The following CACNA2D1 variants were observed in gnomAD, a reference collection of about 807,000 sequenced individuals.
The protein encoded by CACNA2D1 is voltage-dependent calcium channel subunit alpha-2/delta-1.
Under a neutral mutation model 171.5 loss-of-function variants are expected in CACNA2D1, and 53 were observed. That is an observed-to-expected ratio of 0.31 (90% CI 0.25 to 0.39). The LOEUF is 0.39. Ranked by LOEUF, CACNA2D1 falls within the 10% of genes least tolerant of loss-of-function variation. The probability of loss-of-function intolerance (pLI) is 1.00; values close to 1 mark genes in which losing one functional copy is unlikely to be tolerated. For missense variants in CACNA2D1, 903 were observed against 1,299.8 expected, an observed-to-expected ratio of 0.69 and a Z score of 4.69; for synonymous variants, 442 against 443.1, an observed-to-expected ratio of 1.00 and a Z score of 0.03.
chr7:82,162,714 G>A (rs964635689), intron 4 of CACNA2D1, among the ~76,000 whole-genome samples: 1 of 151,768 alleles, frequency 6.6e-6, no homozygotes, highest in African/African-American at 2.4e-5. Context: ...CTAAGCTTCT[G>A]GTTGCAATAT....
intron 7 of CACNA2D1, among the ~76,000 whole-genome samples, chr7:82,081,930 G>T (rs1206030212): frequency 6.6e-6 from 1 of 152,184 alleles, no homozygotes; most frequent in Non-Finnish European, 1.5e-5. Context: ...CTCTATGTGG[G>T]GCTTGTGGTT....
chr7:82,040,837 T>G (rs1416865203), intron 10 of CACNA2D1, among the ~76,000 whole-genome samples: 3 of 151,932 alleles, frequency 2.0e-5, no homozygotes, highest in African/African-American at 7.3e-5. Context: ...TAGCCAGGTG[T>G]GGTGGTGCAT....
chr7:82,296,087 C>T (rs1355879906), intron 3 of CACNA2D1, among the ~76,000 whole-genome samples: 1 of 145,992 alleles, frequency 6.8e-6, no homozygotes, highest in East Asian at 2.3e-4. Flanking sequence ...GGAAGGGGAA[C>T]ATCACACTCT....
chr7:82,410,795 A>C (rs1827562491), intron 1 of CACNA2D1, among the ~76,000 whole-genome samples: 1 of 152,220 alleles, frequency 6.6e-6, no homozygotes, highest in Admixed American at 6.5e-5. Flanking sequence ...CCAAGCGATG[A>C]GTCTTTTAAC....
chr7:82,114,760 G>GAA (rs34240770), intron 6 of CACNA2D1, among the ~76,000 whole-genome samples: 9 of 103,082 alleles, frequency 8.7e-5, no homozygotes, highest in Admixed American at 1.1e-4. Flanking sequence ...CGTCCCAGAA[G>GAA]AAAAAAAAAA....
At chr7:82,082,144 G>A (rs1434415731) in intron 7 of CACNA2D1, among the ~76,000 whole-genome samples, 4 of 152,120 alleles carry the variant, frequency 2.6e-5, no homozygotes, top group Non-Finnish European at 4.4e-5. Context: ...TCTGGCCCAC[G>A]GCTCTGGGGC....
At chr7:82,056,367 GGTAGGCATGAAGCATAAAGAT>G (rs1805909480) in intron 10 of CACNA2D1, among the ~76,000 whole-genome samples, 2 of 152,240 alleles carry the variant, frequency 1.3e-5, no homozygotes, top group Non-Finnish European at 2.9e-5. Context: ...GACCTATGGA[GGTAGGCATGAAGCATAAAGAT>G]GTCTTTGTTT....
intron 31 of CACNA2D1, among the ~76,000 whole-genome samples, chr7:81,966,345 T>C (rs1036538922): frequency 5.3e-5 from 8 of 151,624 alleles, no homozygotes; most frequent in African/African-American, 1.9e-4. Context: ...ATGTAATGCA[T>C]TGCATTTTCC....
chr7:82,375,413 G>C (rs1822906713), intron 1 of CACNA2D1, among the ~76,000 whole-genome samples: 2 of 152,174 alleles, frequency 1.3e-5, no homozygotes, highest in Non-Finnish European at 2.9e-5. Flanking sequence ...AACTGCAGGT[G>C]CCAAGATCAA....
intron 4 of CACNA2D1, among the ~76,000 whole-genome samples, chr7:82,170,111 A>G (rs1356891023): frequency 6.6e-6 from 1 of 151,950 alleles, no homozygotes; most frequent in Non-Finnish European, 1.5e-5. Context: ...ATTCATTCTC[A>G]CTTTCATCAT....
intron 1 of CACNA2D1, among the ~76,000 whole-genome samples, chr7:82,397,867 A>G (rs1472331679): frequency 1.3e-5 from 2 of 152,198 alleles, no homozygotes. Flanking sequence ...AACTTACTAG[A>G]TAAAACTCTG....
chr7:82,369,979 C>T (rs888427269), intron 1 of CACNA2D1, among the ~76,000 whole-genome samples: 23 of 151,860 alleles, frequency 1.5e-4, no homozygotes, highest in Admixed American at 6.6e-4. Flanking sequence ...AATAAATGTC[C>T]CCCAAAATCT....
chr7:82,079,336 G>C (rs1212914440), intron 7 of CACNA2D1, among the ~76,000 whole-genome samples: 1 of 152,108 alleles, frequency 6.6e-6, no homozygotes, highest in Non-Finnish European at 1.5e-5. Context: ...AAGTATACTG[G>C]TGGAGGTGGG....
At chr7:82,266,756 A>G (rs565778163) in intron 3 of CACNA2D1, among the ~76,000 whole-genome samples, 1 of 152,238 alleles carries the variant, frequency 6.6e-6, no homozygotes, top group East Asian at 1.9e-4. Flanking sequence ...ACCTCAGGTG[A>G]TCCGCCCACC....
At chr7:82,063,408 C>T (rs1231612178) in intron 9 of CACNA2D1, among the ~76,000 whole-genome samples, 1 of 152,100 alleles carries the variant, frequency 6.6e-6, no homozygotes, top group African/African-American at 2.4e-5. Flanking sequence ...TTTATCTTCT[C>T]TTTCTCAGAC....
chr7:82,147,327 T>C (rs1563118226), intron 4 of CACNA2D1, among the ~76,000 whole-genome samples: 1 of 152,146 alleles, frequency 6.6e-6, no homozygotes. Flanking sequence ...TTCCAAATGA[T>C]ATCAATAAAT....
intron 3 of CACNA2D1, among the ~76,000 whole-genome samples, chr7:82,205,554 A>T (rs918452526): frequency 1.2e-5 from 1 of 84,580 alleles, no homozygotes; most frequent in Non-Finnish European, 3.7e-5. Context: ...TACCTTTTTA[A>T]AAAAAAATTA....
At chr7:82,307,841 A>G (rs1813927757) in intron 3 of CACNA2D1, among the ~76,000 whole-genome samples, 1 of 152,224 alleles carries the variant, frequency 6.6e-6, no homozygotes, top group Admixed American at 6.5e-5. Flanking sequence ...GATAAAAAAT[A>G]TTCAAAAGCT....
At chr7:82,414,731 T>C (rs1350948661) in intron 1 of CACNA2D1, among the ~76,000 whole-genome samples, 1 of 152,152 alleles carries the variant, frequency 6.6e-6, no homozygotes, top group Non-Finnish European at 1.5e-5. Flanking sequence ...CTTCAAGAAG[T>C]TGAACTTAAC....
Sources: allele counts gnomAD v4.1 joint callset (sites outside exome capture counted in the v4.1 genomes callset), GRCh38; gene constraint gnomAD v4.1.1; transcripts MANE v1.5; gene names NCBI Gene and HGNC (gene_info 2026-07-23, HGNC 2026-07-21).